The following LRRTM4 variants were observed in gnomAD, a reference collection of about 807,000 sequenced individuals.
LRRTM4 encodes the protein leucine rich repeat transmembrane neuronal 4, also known as leucine-rich repeat transmembrane neuronal protein 4.
In LRRTM4, 25 loss-of-function variants were observed where a neutral mutation model predicts 47.6. The ratio of observed to expected loss-of-function variants is 0.53; its 90% CI spans 0.38 to 0.73. The LOEUF is 0.73. LRRTM4 is among the 30% of genes least tolerant of loss of function. LRRTM4 has a pLI of 0.00. For missense variants in LRRTM4, 638 were observed against 713.4 expected (o/e 0.89, Z 1.20); for synonymous variants, 311 against 269.5 (o/e 1.15, Z -1.51).
At chr2:77,091,960 C>G (rs192634937) in intron 3 of LRRTM4, among the ~76,000 whole-genome samples, 22,446 of 146,894 alleles carry the variant, frequency 0.15, 1,644 homozygotes, top group African/African-American at 0.18. Flanking sequence ...AGGACCACAC[C>G]CTGTAGCCTT....
intron 3 of LRRTM4, among the ~76,000 whole-genome samples, chr2:77,183,853 G>A (rs1673423132): frequency 6.6e-6 from 1 of 152,060 alleles, no homozygotes; most frequent in Non-Finnish European, 1.5e-5. Flanking sequence ...AACACCACAT[G>A]TTCTGACTCA....
intron 3 of LRRTM4, among the ~76,000 whole-genome samples, chr2:76,759,663 T>C (rs1419202764): frequency 6.6e-6 from 1 of 152,086 alleles, no homozygotes; most frequent in Non-Finnish European, 1.5e-5. Context: ...AAGTCAAAAA[T>C]AAGACTTCGT....
chr2:77,002,950 C>T (rs928201807), intron 3 of LRRTM4, among the ~76,000 whole-genome samples: 8 of 152,048 alleles, frequency 5.3e-5, no homozygotes, highest in African/African-American at 1.9e-4. Flanking sequence ...CTGGACCACA[C>T]CAATCATTTA....
chr2:77,490,577 A>T (rs1400029741), intron 3 of LRRTM4, among the ~76,000 whole-genome samples: 1 of 152,074 alleles, frequency 6.6e-6, no homozygotes, highest in African/African-American at 2.4e-5. Flanking sequence ...TATGAGATAC[A>T]AATTGCTATT....
At chr2:76,769,726 G>T (rs756949887) in intron 3 of LRRTM4, among the ~76,000 whole-genome samples, 6 of 151,798 alleles carry the variant, frequency 4.0e-5, no homozygotes, top group African/African-American at 1.5e-4. Context: ...CAGATGACTC[G>T]TATTTATATT....
At chr2:77,003,532 C>T (rs779798400) in intron 3 of LRRTM4, among the ~76,000 whole-genome samples, 10 of 152,120 alleles carry the variant, frequency 6.6e-5, no homozygotes, top group Non-Finnish European at 1.0e-4. Context: ...CTGTATATCA[C>T]CTTTGCCTGC....
rs536984460 is a variant in LRRTM4, at chr2:77,350,508, T to C, written c.1551+167810A>G. Among the ~76,000 whole-genome samples, 18 of 152,142 alleles carry C rather than the reference T, an allele frequency of 1.2e-4. No homozygotes were observed. The South Asian group carries it at 3.7e-3, about 32-fold the overall frequency. On this transcript the variant is annotated intron_variant, in intron 3 of 3. Coordinates refer to ENST00000409884, the MANE Select transcript of LRRTM4 (RefSeq NM_001134745.3). Reference sequence around the variant, plus strand: ...GTATGTATAGTCCAGTGTTAAGGTATAACTTTGTAATCAAGACTTGAAATC... The same window carrying C: ...GTATGTATAGTCCAGTGTTAAGGTACAACTTTGTAATCAAGACTTGAAATC...
chr2:77,392,703 T>C (rs1410901316), intron 3 of LRRTM4, among the ~76,000 whole-genome samples: 1 of 151,986 alleles, frequency 6.6e-6, no homozygotes, highest in East Asian at 1.9e-4. Flanking sequence ...AAAATATTGG[T>C]TACCAGAGGC....
At chr2:76,774,798 T>C (rs1673890664) in intron 3 of LRRTM4, among the ~76,000 whole-genome samples, 1 of 152,232 alleles carries the variant, frequency 6.6e-6, no homozygotes, top group Non-Finnish European at 1.5e-5. Flanking sequence ...AGAGTACCAA[T>C]ATTTTTGCCA....
At position 76,791,783 on chromosome 2, in the gene LRRTM4, G is replaced by T. The variant is rs546837281; in HGVS notation, c.1552-42867C>A. On this transcript the variant is annotated intron_variant, in intron 3 of 3. Transcript: ENST00000409884. ...AGCAGATAGGCTGCAGGTTTCAGAGGTATACTTACTTATTTTGCCAACAGT... is the reference window on the plus strand; with the variant it reads ...AGCAGATAGGCTGCAGGTTTCAGAGTTATACTTACTTATTTTGCCAACAGT... 2.8e-4 allele frequency among the ~76,000 whole-genome samples: 42 copies of T among 152,256 alleles called. 1 individual carries two copies. In the Middle Eastern group the frequency reaches 0.017, roughly 62 times the overall value.
rs185169615 is a variant in LRRTM4 at position 77,247,872 on chromosome 2, A to G, written c.1551+270446T>C. ...TTAGTTCTTCATGTAAATGCAATTG[A>G]TGATTTTAAAATTATGACATTGTTT... On this transcript the variant is annotated intron_variant, in intron 3 of 3. Transcript: ENST00000409884. Among the ~76,000 whole-genome samples the G allele has an allele frequency of 1.7e-3, 255 of 151,676 alleles. 1 individual carries two copies. The highest frequency in any genetic ancestry group is 5.2e-3 in the African/African-American group (217 of 41,476).
In LRRTM4 at chr2:76,951,686, A is replaced by C. The variant is rs556403931; in HGVS notation, c.1552-202770T>G. ...ACATGCAGGTTTGTTACATAGGTATACACGTGCCATGGTGGTTTGCTGCAC... is the reference window on the plus strand; with the variant it reads ...ACATGCAGGTTTGTTACATAGGTATCCACGTGCCATGGTGGTTTGCTGCAC... On this transcript the variant is annotated intron_variant, in intron 3 of 3. Transcript: ENST00000409884. Among the ~76,000 whole-genome samples, 34 of 152,050 alleles carry C rather than the reference A, an allele frequency of 2.2e-4. 1 individual carries two copies. The highest frequency in any genetic ancestry group is 1.5e-3 in the South Asian group (7 of 4,816).
At chr2:77,009,946 A>G (rs1424427410) in intron 3 of LRRTM4, among the ~76,000 whole-genome samples, 1 of 151,744 alleles carries the variant, frequency 6.6e-6, no homozygotes, top group Non-Finnish European at 1.5e-5. Context: ...CATTAAACTT[A>G]AAATTTCATC....
At chr2:76,876,403 A>G (rs1672780534) in intron 3 of LRRTM4, among the ~76,000 whole-genome samples, 1 of 152,106 alleles carries the variant, frequency 6.6e-6, no homozygotes, top group African/African-American at 2.4e-5. Context: ...AAACCTGGCA[A>G]ATGTGTTGCA....
At chr2:77,152,711 G>A (rs1672462609) in intron 3 of LRRTM4, among the ~76,000 whole-genome samples, 1 of 152,040 alleles carries the variant, frequency 6.6e-6, no homozygotes, top group Non-Finnish European at 1.5e-5. Flanking sequence ...CTAAATGAGC[G>A]AATACCTGAG....
chr2:76,870,447 T>C (rs895569608), intron 3 of LRRTM4, among the ~76,000 whole-genome samples: 3 of 151,716 alleles, frequency 2.0e-5, no homozygotes, highest in Non-Finnish European at 2.9e-5. Context: ...TGAGCTGAAA[T>C]ACTGGGGGAA....
chr2:77,055,530 T>G (rs1679573758), intron 3 of LRRTM4, among the ~76,000 whole-genome samples: 1 of 152,158 alleles, frequency 6.6e-6, no homozygotes, highest in African/African-American at 2.4e-5. Flanking sequence ...CATTAAAAAG[T>G]CAGTAAACAA....
At chr2:77,213,049 A>G (rs896853415) in intron 3 of LRRTM4, among the ~76,000 whole-genome samples, 1 of 152,160 alleles carries the variant, frequency 6.6e-6, no homozygotes, top group African/African-American at 2.4e-5. Context: ...TCAATCTTCT[A>G]TTCAAAGTTA....
At position 77,192,985 on chromosome 2, in the gene LRRTM4, C is replaced by T. The variant is rs541684210; in HGVS notation, c.1551+325333G>A. On this transcript the variant is annotated intron_variant, in intron 3 of 3. Coordinates refer to ENST00000409884, the MANE Select transcript of LRRTM4 (RefSeq NM_001134745.3). The stretch of plus-strand genomic sequence containing the variant: ...CAATAAGTCATATGCTGCATAAGGA[C>T]GTTTCTGTCAAGGAAAAATCACATA... Among the ~76,000 whole-genome samples, 48 of 152,050 alleles carry T rather than the reference C, an allele frequency of 3.2e-4. No homozygotes were observed. In the East Asian group the frequency reaches 4.6e-3, roughly 15 times the overall value.
Sources: gnomAD v4.1 joint callset for allele counts (sites outside exome capture counted in the v4.1 genomes callset) on GRCh38, gnomAD v4.1.1 for gene constraint, MANE v1.5 for transcripts, NCBI Gene and HGNC (gene_info 2026-07-23, HGNC 2026-07-21) for gene names.